OPCML: variants seen among roughly 807,000 people sequenced by gnomAD.
OPCML encodes the protein opioid binding protein/cell adhesion molecule like.
A neutral mutation model predicts 37.8 loss-of-function variants in OPCML; 13 were observed. That is an observed-to-expected ratio of 0.34 (90% CI 0.22 to 0.55). The LOEUF (loss-of-function observed/expected upper bound fraction) is 0.55. Ranked by LOEUF, OPCML falls within the 20% of genes least tolerant of loss-of-function variation. OPCML has a pLI of 0.91. For missense variants in OPCML, 341 were observed against 435.6 expected, an observed-to-expected ratio of 0.78 and a Z score of 1.93; for synonymous variants, 176 against 168.8, an observed-to-expected ratio of 1.04 and a Z score of -0.33.
chr11:133,505,802 T>C (rs917451541), intron 1 of OPCML, among the ~76,000 whole-genome samples: 1 of 152,246 alleles, frequency 6.6e-6, no homozygotes, highest in Non-Finnish European at 1.5e-5. Flanking sequence ...TCTGCCTCCA[T>C]GAAGGCCACA....
chr11:132,735,376 A>T (rs1198080582), intron 2 of OPCML, among the ~76,000 whole-genome samples: 1 of 152,210 alleles, frequency 6.6e-6, no homozygotes, highest in Non-Finnish European at 1.5e-5. Context: ...CAGAAACCCA[A>T]GATAGACAAA....
chr11:133,059,653 A>G (rs1328809170), intron 1 of OPCML, among the ~76,000 whole-genome samples: 1 of 152,240 alleles, frequency 6.6e-6, no homozygotes, highest in African/African-American at 2.4e-5. Flanking sequence ...GGTGAGATGG[A>G]AGGGTCACCC....
intron 2 of OPCML, among the ~76,000 whole-genome samples, chr11:132,741,797 C>T (rs1945441194): frequency 6.6e-6 from 1 of 151,980 alleles, no homozygotes; most frequent in Non-Finnish European, 1.5e-5. Flanking sequence ...GAGGCCGAGG[C>T]AAGCAGATCA....
At chr11:133,341,554 CTTGTAGGCAATCCCAAA>C (rs1483302573) in intron 1 of OPCML, among the ~76,000 whole-genome samples, 5 of 152,164 alleles carry the variant, frequency 3.3e-5, no homozygotes, top group African/African-American at 1.2e-4. Flanking sequence ...TGGGTGCATG[CTTGTAGGCAATCCCAAA>C]ATGTTTCCTT....
intron 1 of OPCML, among the ~76,000 whole-genome samples, chr11:132,970,601 A>G (rs1191815224): frequency 6.6e-6 from 1 of 152,086 alleles, no homozygotes; most frequent in East Asian, 1.9e-4. Context: ...CTTTTTTTCC[A>G]GCTATGAAAA....
intron 1 of OPCML, among the ~76,000 whole-genome samples, chr11:133,314,481 T>C (rs1407357937): frequency 2.0e-5 from 3 of 151,654 alleles, no homozygotes; most frequent in Non-Finnish European, 2.9e-5. Flanking sequence ...GAACCATGGA[T>C]TGGCTTCTGC....
At chr11:132,850,747 C>A (rs1046443592) in intron 2 of OPCML, among the ~76,000 whole-genome samples, 2 of 152,160 alleles carry the variant, frequency 1.3e-5, no homozygotes, top group Admixed American at 6.5e-5. Context: ...AGCTTAAATT[C>A]AGACAGGAAA....
intron 1 of OPCML, among the ~76,000 whole-genome samples, chr11:133,191,918 T>C (rs1440672288): frequency 2.6e-5 from 4 of 152,188 alleles, no homozygotes; most frequent in East Asian, 1.9e-4. Context: ...TTTTGGTGAA[T>C]GGTCTGCTTG....
At chr11:133,237,396 C>T (rs980457342) in intron 1 of OPCML, among the ~76,000 whole-genome samples, 1 of 152,152 alleles carries the variant, frequency 6.6e-6, no homozygotes, top group Admixed American at 6.5e-5. Context: ...GCTCTGGTTG[C>T]CATGCTGTGA....
At chr11:133,056,750 G>A (rs375169129) in intron 1 of OPCML, among the ~76,000 whole-genome samples, 4 of 152,196 alleles carry the variant, frequency 2.6e-5, no homozygotes, top group Middle Eastern at 3.2e-3. Flanking sequence ...GTATGGTTCC[G>A]TAAGTGTAAA....
At chr11:133,090,625 C>A (rs1948891698) in intron 1 of OPCML, among the ~76,000 whole-genome samples, 1 of 152,108 alleles carries the variant, frequency 6.6e-6, no homozygotes, top group African/African-American at 2.4e-5. Context: ...CTGTGGAAAG[C>A]AGAGTTTAAG....
chr11:132,515,839 T>G (rs944926988), intron 4 of OPCML, among the ~76,000 whole-genome samples: 2 of 152,186 alleles, frequency 1.3e-5, no homozygotes, highest in Non-Finnish European at 2.9e-5. Context: ...AGTTGAAGTT[T>G]ATGATTTCAG....
At chr11:133,424,263 C>T (rs908449912) in intron 1 of OPCML, among the ~76,000 whole-genome samples, 4 of 152,142 alleles carry the variant, frequency 2.6e-5, no homozygotes, top group Admixed American at 6.5e-5. Context: ...GCTGCAGGAA[C>T]AAACACAAAC....
rs563715472 is a variant in OPCML, at chr11:133,278,479, C to T, written c.61+253785G>A. On this transcript the variant is annotated intron_variant, in intron 1 of 7. Coordinates refer to ENST00000524381, the MANE Select transcript of OPCML (RefSeq NM_001012393.5). Reference sequence around the variant, plus strand: ...GGCCAGTGGCATTTGATGCACCTTTCTCACTGTCAGCTTGGACTCATTCTT... The same window carrying T: ...GGCCAGTGGCATTTGATGCACCTTTTTCACTGTCAGCTTGGACTCATTCTT... Among the ~76,000 whole-genome samples, 5 of 152,224 alleles carry T rather than the reference C, an allele frequency of 3.3e-5. No homozygotes were observed. In the South Asian group the frequency reaches 1.0e-3, roughly 32 times the overall value.
At chr11:133,063,221 A>T (rs1298054242) in intron 1 of OPCML, among the ~76,000 whole-genome samples, 2 of 152,180 alleles carry the variant, frequency 1.3e-5, no homozygotes, top group Non-Finnish European at 2.9e-5. Context: ...GTGAGAACAG[A>T]CACATGTCAT....
At chr11:133,047,842 T>C (rs1036216502) in intron 1 of OPCML, among the ~76,000 whole-genome samples, 19 of 152,206 alleles carry the variant, frequency 1.2e-4, no homozygotes, top group Non-Finnish European at 2.5e-4. Context: ...AAGCAGCAAT[T>C]TGTCTGAGTT....
intron 3 of OPCML, among the ~76,000 whole-genome samples, chr11:132,612,163 T>C (rs1342075685): frequency 6.6e-6 from 1 of 152,208 alleles, no homozygotes; most frequent in Non-Finnish European, 1.5e-5. Context: ...GAATGTAGGC[T>C]GGATCTCAGG....
chr11:133,447,776 G>A (rs1946501754), intron 1 of OPCML, among the ~76,000 whole-genome samples: 1 of 152,154 alleles, frequency 6.6e-6, no homozygotes, highest in East Asian at 1.9e-4. Flanking sequence ...CACCACTGAG[G>A]GGCTCTTAGG....
chr11:132,858,592 G>A (rs571012214), intron 2 of OPCML, among the ~76,000 whole-genome samples: 1 of 152,280 alleles, frequency 6.6e-6, no homozygotes, highest in East Asian at 1.9e-4. Context: ...TTCTTCCCGG[G>A]GGGTGAGGAG....
Sources: allele counts gnomAD v4.1 joint callset (sites outside exome capture counted in the v4.1 genomes callset), GRCh38; gene constraint gnomAD v4.1.1; transcripts MANE v1.5; gene names NCBI Gene and HGNC (gene_info 2026-07-23, HGNC 2026-07-21).